ASTN2: variants seen among roughly 807,000 people sequenced by gnomAD.
ASTN2 encodes astrotactin 2, also known as astrotactin-2.
Under a neutral mutation model 139.8 loss-of-function variants are expected in ASTN2, and 54 were observed. That is an observed-to-expected ratio of 0.39 (90% CI 0.31 to 0.48). The LOEUF is 0.48. Ranked by LOEUF, ASTN2 falls within the 20% of genes least tolerant of loss-of-function variation. The pLI is 0.95. For synonymous variants in ASTN2, 756 were observed against 719.5 expected (o/e 1.05, Z -0.81); for missense variants, 1,565 against 1,725.1 (o/e 0.91, Z 1.64).
At chr9:117,018,730 T>C (rs979952427) in intron 6 of ASTN2, among the ~76,000 whole-genome samples, 1 of 152,168 alleles carries the variant, frequency 6.6e-6, no homozygotes, top group African/African-American at 2.4e-5. Context: ...AGAGGGTGAA[T>C]AGCACTTATC....
chr9:116,514,108 G>GT (rs1173763969), intron 19 of ASTN2, among the ~76,000 whole-genome samples: 2 of 151,300 alleles, frequency 1.3e-5, no homozygotes, highest in Admixed American at 6.6e-5. Context: ...TTTCTGCTCT[G>GT]TTTTTTTCCC....
chr9:117,308,690 G>C (rs1243710500), intron 1 of ASTN2, among the ~76,000 whole-genome samples: 1 of 145,308 alleles, frequency 6.9e-6, no homozygotes, highest in Non-Finnish European at 1.6e-5. Flanking sequence ...AGTAGGACAG[G>C]AGAATGGACA....
chr9:116,503,955 G>GTCCCAAAGC (rs1235652088), intron 19 of ASTN2, among the ~76,000 whole-genome samples: 2 of 152,104 alleles, frequency 1.3e-5, no homozygotes, highest in Admixed American at 1.3e-4. Context: ...GCTCTCCATA[G>GTCCCAAAGC]TCCCAAAGCT....
chr9:116,785,693 C>T (rs1830353903), intron 13 of ASTN2, among the ~76,000 whole-genome samples: 2 of 152,156 alleles, frequency 1.3e-5, no homozygotes, highest in Admixed American at 1.3e-4. Flanking sequence ...CTTTCTCTCC[C>T]TCATCAGTAA....
intron 7 of ASTN2, among the ~76,000 whole-genome samples, chr9:116,994,872 A>G (rs1216830002): frequency 2.0e-5 from 3 of 152,142 alleles, no homozygotes; most frequent in Non-Finnish European, 2.9e-5. Flanking sequence ...ATAATACCAA[A>G]TGTTTGTTGA....
chr9:117,012,085 T>A (rs1362934941), intron 6 of ASTN2, among the ~76,000 whole-genome samples: 2 of 152,176 alleles, frequency 1.3e-5, no homozygotes, highest in Non-Finnish European at 2.9e-5. Context: ...AGGACTTTAG[T>A]GAATGTCAAG....
In ASTN2 at chr9:116,725,723, C is replaced by T. The variant is rs1471403581; in HGVS notation, c.2806+48G>A. The T allele has an allele frequency of 1.9e-6, 3 of 1,582,402 alleles. No homozygotes were observed. The South Asian group carries it at 3.5e-5, about 18-fold the overall frequency. ...TCAGTTGTCTCCCCAGACCCCTTGC[C>T]TCTATAGCCTGCCTGGCCACCTCCT... On this transcript the variant is annotated intron_variant, in intron 16 of 22. Transcript: ENST00000313400.
chr9:117,267,740 T>C (rs1833967821), intron 2 of ASTN2, among the ~76,000 whole-genome samples: 1 of 152,226 alleles, frequency 6.6e-6, no homozygotes, highest in African/African-American at 2.4e-5. Flanking sequence ...TCTGACTTTG[T>C]TGATACCTTT....
At chr9:117,004,366 T>C (rs925643852) in intron 7 of ASTN2, among the ~76,000 whole-genome samples, 1 of 152,088 alleles carries the variant, frequency 6.6e-6, no homozygotes, top group Non-Finnish European at 1.5e-5. Flanking sequence ...AGCGATCCAC[T>C]TGCTTCAGCC....
Position 116,927,978 on chromosome 9 carries a change from T to G in ASTN2, c.1889+47230A>C, listed in dbSNP as rs529685718. 2.5e-4 allele frequency among the ~76,000 whole-genome samples: 38 copies of G among 152,332 alleles called. No individual in the cohort carries two copies. In the South Asian group the frequency reaches 7.9e-3, roughly 32 times the overall value. On this transcript the variant is annotated intron_variant, in intron 10 of 22. Transcript: ENST00000313400. ...CCCTCCGTATACCCTTTCATGTGTA[T>G]GCAACAACCCACAGTATCTCCTCCT...
In ASTN2 at chr9:117,135,522, A is replaced by G. The variant is rs370405502; in HGVS notation, c.1168+5804T>C. Among the ~76,000 whole-genome samples, 8 of 152,202 alleles carry G rather than the reference A, an allele frequency of 5.3e-5. No individual in the cohort carries two copies. The East Asian group carries it at 9.6e-4, about 18-fold the overall frequency. ...TATTCATATATTCTTCCATTAAACC[A>G]ATTACTATCCCAAGCCAGTTCCCTG... On this transcript the variant is annotated intron_variant, in intron 4 of 22. Coordinates refer to ENST00000313400, the MANE Select transcript of ASTN2 (RefSeq NM_001365068.1).
At chr9:116,829,064 G>C (rs1588328636) in intron 11 of ASTN2, among the ~76,000 whole-genome samples, 1 of 151,914 alleles carries the variant, frequency 6.6e-6, no homozygotes, top group East Asian at 1.9e-4. Context: ...TAATCAATAT[G>C]TTTAAAAGGA....
At chr9:116,483,039 A>G (rs139327157) in intron 20 of ASTN2, among the ~76,000 whole-genome samples, 1 of 152,330 alleles carries the variant, frequency 6.6e-6, no homozygotes, top group East Asian at 1.9e-4. Context: ...AGCAGCTACA[A>G]GAAGGGTGTC....
At chr9:117,251,010 G>A (rs559603027) in intron 2 of ASTN2, among the ~76,000 whole-genome samples, 3 of 152,294 alleles carry the variant, frequency 2.0e-5, no homozygotes, top group South Asian at 2.1e-4. Context: ...CAGGGAGGGC[G>A]TGGCCACAGG....
chr9:117,200,710 G>A (rs554644959), intron 3 of ASTN2, among the ~76,000 whole-genome samples: 2 of 152,248 alleles, frequency 1.3e-5, no homozygotes, highest in African/African-American at 4.8e-5. Flanking sequence ...CAGGGATGAA[G>A]CCGACTTAAT....
chr9:117,056,410 G>A (rs1468193815), intron 5 of ASTN2, among the ~76,000 whole-genome samples: 1 of 152,124 alleles, frequency 6.6e-6, no homozygotes, highest in African/African-American at 2.4e-5. Flanking sequence ...CCACACACAT[G>A]GTATGTGCCA....
chr9:117,176,138 C>T (rs551261303), intron 3 of ASTN2, among the ~76,000 whole-genome samples: 43 of 151,788 alleles, frequency 2.8e-4, no homozygotes, highest in Non-Finnish European at 5.0e-4. Flanking sequence ...CTTTGACATG[C>T]AAATTAAATA....
At chr9:117,144,342 T>C (rs1830142223) in intron 3 of ASTN2, among the ~76,000 whole-genome samples, 1 of 152,164 alleles carries the variant, frequency 6.6e-6, no homozygotes, top group African/African-American at 2.4e-5. Context: ...ATCCGAAATG[T>C]TCCAAAATCT....
At chr9:117,311,229 G>GA (rs67365219) in intron 1 of ASTN2, among the ~76,000 whole-genome samples, 6 of 140,908 alleles carry the variant, frequency 4.3e-5, no homozygotes, top group South Asian at 2.3e-4. Flanking sequence ...TAGGCTTACA[G>GA]AAAAAAAAAA....
Sources: gnomAD v4.1 joint callset for allele counts (sites outside exome capture counted in the v4.1 genomes callset) on GRCh38, gnomAD v4.1.1 for gene constraint, MANE v1.5 for transcripts, NCBI Gene and HGNC (gene_info 2026-07-23, HGNC 2026-07-21) for gene names.